Variants in DAW1 observed in about 807,000 individuals in gnomAD.
DAW1 encodes dynein assembly factor with WD repeat domains 1.
DAW1 carries 47 observed loss-of-function variants against 56.5 expected under a neutral mutation model. That is an observed-to-expected ratio of 0.83 (90% CI 0.66 to 1.06). The LOEUF is 1.06. Ranked by LOEUF, DAW1 falls within the 50% of genes least tolerant of loss-of-function variation. The pLI, the probability that DAW1 is intolerant of heterozygous loss-of-function variation, is 0.00. For synonymous variants in DAW1, 190 were observed against 179.0 expected (o/e 1.06, Z -0.49); for missense variants, 505 against 499.3 (o/e 1.01, Z -0.11).
chr2:227,906,315 G>A lies in DAW1; in HGVS notation c.835G>A (p.Gly279Ser), dbSNP rs748902247. ...TTGGGATTGCTCTCTAATATTAACT[G>A]GCTCTATGGACAAAACCTGCAAGGT... ...FNWDCSLILT[G>S]SMDKTCKLWD... is the part of the protein sequence containing the mutation. Residue 279 changes from glycine (G) to serine (S), a missense_variant, in exon 9 of 13, where the codon GGC becomes AGC. Coordinates refer to ENST00000309931, the MANE Select transcript of DAW1 (RefSeq NM_178821.3). 5.0e-6 allele frequency: 8 copies of A among 1,611,004 alleles called. No homozygotes were observed. In the African/African-American group the frequency reaches 1.1e-4, roughly 22 times the overall value.
intron 5 of DAW1, among the ~76,000 whole-genome samples, chr2:227,896,626 G>GTGTGTGTGTT (rs1691414806): frequency 6.8e-6 from 1 of 146,510 alleles, no homozygotes; most frequent in Non-Finnish European, 1.5e-5. Flanking sequence ...GTGTGTGTGT[G>GTGTGTGTGTT]TGTGTATGAG....
intron 6 of DAW1, among the ~76,000 whole-genome samples, chr2:227,900,509 T>C (rs1179622430): frequency 6.6e-6 from 1 of 152,116 alleles, no homozygotes; most frequent in Non-Finnish European, 1.5e-5. Flanking sequence ...GTTGTAAGTG[T>C]CAGAAGTGGA....
chr2:227,901,584 G>T (rs1255575817), intron 6 of DAW1, among the ~76,000 whole-genome samples: 1 of 151,912 alleles, frequency 6.6e-6, no homozygotes. Context: ...GATACAAAAA[G>T]AAAAAAGAAA....
chr2:227,887,948 T>A (rs918205592), intron 2 of DAW1, among the ~76,000 whole-genome samples: 2 of 152,044 alleles, frequency 1.3e-5, no homozygotes, highest in Middle Eastern at 3.2e-3. Flanking sequence ...TTAATTTGGA[T>A]CTTGCGAGGA....
chr2:227,871,774 C>G (rs1056322441), intron 1 of DAW1, 45 bp downstream of exon 1: 3 of 1,611,288 alleles, frequency 1.9e-6, no homozygotes, highest in Non-Finnish European at 8.5e-7. Flanking sequence ...GGACCCTGGG[C>G]TCCCAGACTG....
chr2:227,900,333 C>T (rs1691510018), intron 6 of DAW1, among the ~76,000 whole-genome samples: 1 of 152,130 alleles, frequency 6.6e-6, no homozygotes, highest in Admixed American at 6.5e-5. Context: ...CCTAGGGAGA[C>T]ATTCATCTTT....
intron 12 of DAW1, among the ~76,000 whole-genome samples, chr2:227,922,549 A>C (rs897877391): frequency 5.9e-5 from 9 of 152,150 alleles, no homozygotes; most frequent in African/African-American, 2.2e-4. Context: ...AGTGATTCTC[A>C]TCATGTTGAG....
At chr2:227,921,273 C>A in intron 11 of DAW1, 126 bp from the exon 12 acceptor site, 1 of 995,948 alleles carries the variant, frequency 1.0e-6, no homozygotes, top group Non-Finnish European at 1.4e-6. Flanking sequence ...GAATAAATAC[C>A]AGACTAGGAA....
intron 8 of DAW1, 85 bp downstream of exon 8, chr2:227,905,120 C>T (rs1413686598): frequency 2.0e-6 from 2 of 1,012,484 alleles, no homozygotes; most frequent in South Asian, 1.7e-5. Context: ...AAGCTACTAT[C>T]TATTAACTCT....
intron 8 of DAW1, among the ~76,000 whole-genome samples, chr2:227,905,469 T>G (rs1179488940): frequency 6.6e-6 from 1 of 152,198 alleles, no homozygotes; most frequent in African/African-American, 2.4e-5. Flanking sequence ...ATTAGCATAT[T>G]TGTGTTGGAA....
chr2:227,899,676 A>G (rs1226797782), intron 6 of DAW1, among the ~76,000 whole-genome samples: 1 of 152,224 alleles, frequency 6.6e-6, no homozygotes, highest in African/African-American at 2.4e-5. Flanking sequence ...AACCAGAAAG[A>G]GCAAACAAGA....
chr2:227,906,205 T>G (rs1432667225), intron 8 of DAW1, 31 bp from the exon 9 acceptor site: 27 of 1,552,154 alleles, frequency 1.7e-5, no homozygotes, highest in Non-Finnish European at 2.3e-5. Flanking sequence ...TAAGATATCT[T>G]TCACTAGTTT....
At position 227,918,269 on chromosome 2, in the gene DAW1, C is replaced by T. The variant is rs368164541; in HGVS notation, c.974-511C>T. Among the ~76,000 whole-genome samples, 13 of 152,076 alleles carry T rather than the reference C, an allele frequency of 8.5e-5. No homozygotes were observed. In the East Asian group the frequency reaches 1.5e-3, roughly 18 times the overall value. On this transcript the variant is annotated intron_variant, in intron 10 of 12. Coordinates refer to ENST00000309931, the MANE Select transcript of DAW1 (RefSeq NM_178821.3). ...GCTAATATATGCTTGGCGCTTTTGG[C>T]GCTGGAGGCAGAGCAGGAAAAAAGC...
In DAW1 at chr2:227,888,353, T is replaced by C. The variant is rs919364744; in HGVS notation, c.114-1503T>C. ...GACAGAAGTGGGTGAGTCAAAGGTT[T>C]ATTGGGCAGTGACACTTGTGACAGT... On this transcript the variant is annotated intron_variant, in intron 2 of 12. Transcript: ENST00000309931. Among the ~76,000 whole-genome samples, 8 of 152,208 alleles carry C rather than the reference T, an allele frequency of 5.3e-5. No homozygotes were observed. The South Asian group carries it at 1.2e-3, about 24-fold the overall frequency.
At chr2:227,912,272 G>A (rs1006142439) in intron 10 of DAW1, 29 of 712,340 alleles carry the variant, frequency 4.1e-5, no homozygotes, top group African/African-American at 9.2e-5. Flanking sequence ...TCGCTCTGTC[G>A]CCCAGGCTGG....
chr2:227,880,962 C>G (rs770544181), intron 1 of DAW1, among the ~76,000 whole-genome samples: 1 of 151,828 alleles, frequency 6.6e-6, no homozygotes, highest in Non-Finnish European at 1.5e-5. Context: ...TAAGGTGAGA[C>G]GAGAAGAATC....
At chr2:227,877,104 G>A (rs924741150) in intron 1 of DAW1, among the ~76,000 whole-genome samples, 33 of 152,106 alleles carry the variant, frequency 2.2e-4, no homozygotes, top group Admixed American at 2.0e-3. Flanking sequence ...CACAATCAAG[G>A]GAAAATCAAG....
At chr2:227,906,392 G>A in intron 9 of DAW1, 54 bp downstream of exon 9, 1 of 1,190,096 alleles carries the variant, frequency 8.4e-7, no homozygotes, top group Non-Finnish European at 1.2e-6. Context: ...ACTCTTTACT[G>A]TGTCAGATAT....
chr2:227,887,580 T>A (rs1233308968), intron 2 of DAW1: 2 of 152,232 alleles, frequency 1.3e-5, no homozygotes, highest in Non-Finnish European at 2.9e-5. Flanking sequence ...AACCTCCAGC[T>A]AGACATTCTG....
Sources: gnomAD v4.1 joint callset for allele counts (sites outside exome capture counted in the v4.1 genomes callset) on GRCh38, gnomAD v4.1.1 for gene constraint, MANE v1.5 for transcripts, NCBI Gene and HGNC (gene_info 2026-07-23, HGNC 2026-07-21) for gene names.